CABYR: variants seen among roughly 807,000 people sequenced by gnomAD.
CABYR encodes the protein calcium-binding tyrosine phosphorylation-regulated protein.
A neutral mutation model predicts 36.1 loss-of-function variants in CABYR; 31 were observed. The observed-to-expected ratio is 0.86, with a 90% CI of 0.64 to 1.16. CABYR has a LOEUF of 1.16. CABYR is among the 50% of genes most tolerant of loss of function. The pLI is 0.00. For missense variants in CABYR, 429 were observed against 455.8 expected (o/e 0.94, Z 0.53); for synonymous variants, 146 against 160.7 (o/e 0.91, Z 0.69).
intron 3 of CABYR, among the ~76,000 whole-genome samples, chr18:24,143,772 G>A (rs1046661857): frequency 1.2e-4 from 18 of 152,168 alleles, no homozygotes; most frequent in Non-Finnish European, 2.6e-4. Flanking sequence ...CTGGATGCAA[G>A]TGATCTTCCT....
chr18:24,153,095 A>G (rs1355851864), intron 3 of CABYR, among the ~76,000 whole-genome samples: 2 of 152,152 alleles, frequency 1.3e-5, no homozygotes, highest in Non-Finnish European at 2.9e-5. Flanking sequence ...ATGCCCCACA[A>G]AGGGCATCTC....
chr18:24,144,575 AG>A (rs1488938647), intron 3 of CABYR, among the ~76,000 whole-genome samples: 2 of 152,154 alleles, frequency 1.3e-5, no homozygotes, highest in African/African-American at 4.8e-5. Flanking sequence ...AGACCAGCCT[AG>A]GCAAAATAGT....
In CABYR at chr18:24,159,765, C is replaced by T. The variant is rs752354022; in HGVS notation, c.835C>T (p.His279Tyr). ...ACAGGGATGGAAACCTCTTCCTGGACATGCTGTCGTTTCACAGTCAGATGT... is the reference window on the plus strand; with the variant it reads ...ACAGGGATGGAAACCTCTTCCTGGATATGCTGTCGTTTCACAGTCAGATGT... ...EAQGWKPLPG[H>Y]AVVSQSDVLR... The change falls in exon 5 of 6, where the codon CAT (histidine) becomes TAT (tyrosine). Residue 279 changes from histidine to tyrosine, a missense_variant. Physicochemically the swap from His to Tyr is moderately conservative, Grantham distance 83. Coordinates refer to ENST00000399496, the MANE Select transcript of CABYR (RefSeq NM_153769.3). The T allele has an allele frequency of 1.9e-6, 3 of 1,614,046 alleles. No individual in the cohort carries two copies. The Admixed American group carries it at 5.0e-5, about 27-fold the overall frequency.
chr18:24,141,701 G>C (rs2085324825), intron 1 of CABYR, among the ~76,000 whole-genome samples: 2 of 152,104 alleles, frequency 1.3e-5, no homozygotes, highest in South Asian at 4.1e-4. Context: ...TTCTTTAGAA[G>C]CCTTAGGTGA....
chr18:24,152,628 T>G (rs1309885333), intron 3 of CABYR: 2 of 152,152 alleles, frequency 1.3e-5, no homozygotes, highest in African/African-American at 4.8e-5. Flanking sequence ...AAAAATTAAT[T>G]ACATTTTAAT....
intron 3 of CABYR, among the ~76,000 whole-genome samples, chr18:24,149,416 G>T (rs940279185): frequency 2.8e-4 from 42 of 152,186 alleles, no homozygotes; most frequent in African/African-American, 8.7e-4. Flanking sequence ...GCCGATTGGT[G>T]TACTTACAAT....
At chr18:24,141,960 CAA>C (rs1188502126) in intron 1 of CABYR, among the ~76,000 whole-genome samples, 23 of 151,880 alleles carry the variant, frequency 1.5e-4, no homozygotes, top group African/African-American at 5.3e-4. Flanking sequence ...ATGTTAAAAA[CAA>C]AGTTATTCCT....
At chr18:24,157,013 GTATTTCCATT>G in intron 4 of CABYR, 1 of 1,576,646 alleles carries the variant, frequency 6.3e-7, no homozygotes, top group South Asian at 1.1e-5. Flanking sequence ...AGAAAATCAG[GTATTTCCATT>G]ACAAATTGCA....
In CABYR at chr18:24,155,840, A is replaced by G; in HGVS notation, c.339A>G (p.Thr113=). ...CAGACGAGGACAATGTAACCAGAACAGAATATAGTGACAAAACCACCCAGT... is the reference window on the plus strand; with the variant it reads ...CAGACGAGGACAATGTAACCAGAACGGAATATAGTGACAAAACCACCCAGT... The part of the protein sequence containing the change: ...TDTDEDNVTR[T]EYSDKTTQFP... The change falls in exon 4 of 6, where the codon ACA becomes ACG. Residue 113 remains threonine, a synonymous_variant. Transcript: ENST00000399496. 2 of 1,614,198 alleles carry G rather than the reference A, an allele frequency of 1.2e-6. No homozygotes were observed. Among genetic ancestry groups the G allele is most frequent in the South Asian group, 1.1e-5 (1 of 91,082 alleles).
intron 5 of CABYR, 57 bp from the exon 6 acceptor site, chr18:24,161,459 C>T: frequency 3.9e-6 from 3 of 775,914 alleles, no homozygotes; most frequent in African/African-American, 1.7e-5. Flanking sequence ...GCTCATTTCA[C>T]ATGTTCGGTT....
chr18:24,139,146 C>T (rs2145844323), intron 1 of CABYR, 28 bp downstream of exon 1: 1 of 152,376 alleles, frequency 6.6e-6, no homozygotes, highest in South Asian at 2.1e-4. Flanking sequence ...AAAAGGCGCA[C>T]CCTGCGGCCT....
chr18:24,146,497 C>T (rs184347846), intron 3 of CABYR, among the ~76,000 whole-genome samples: 29 of 151,626 alleles, frequency 1.9e-4, no homozygotes, highest in African/African-American at 7.0e-4. Flanking sequence ...TTCAGTGACC[C>T]AAGATTGCAC....
chr18:24,142,903 TG>T (rs1444321220), intron 1 of CABYR, among the ~76,000 whole-genome samples, 187 bp from the exon 2 acceptor site: 2 of 151,512 alleles, frequency 1.3e-5, no homozygotes, highest in Non-Finnish European at 2.9e-5. Flanking sequence ...TGTGGTGCCA[TG>T]TGCCTGTAGT....
At chr18:24,139,688 T>A (rs1458697478) in intron 1 of CABYR, 1 of 152,296 alleles carries the variant, frequency 6.6e-6, no homozygotes, top group African/African-American at 2.4e-5. Context: ...TAATAGTGTT[T>A]GTGACAATTT....
chr18:24,161,385 C>T, intron 5 of CABYR, 131 bp from the exon 6 acceptor site: 1 of 609,302 alleles, frequency 1.6e-6, no homozygotes, highest in Non-Finnish European at 3.0e-6. Flanking sequence ...GTGCAAAAGC[C>T]CATAGGTAAC....
In CABYR at chr18:24,155,979, G is replaced by A; in HGVS notation, c.478G>A (p.Ala160Thr). The A allele has an allele frequency of 1.2e-6, 2 of 1,614,146 alleles. No homozygotes were observed. Among genetic ancestry groups the A allele is most frequent in the Non-Finnish European group, 1.7e-6 (2 of 1,180,024 alleles). ...TTPPSSPPPT[A>T]VSPEFAYVPA... ...CCCACCCTCATCACCACCTCCAACA[G>A]CTGTCTCACCAGAGTTTGCCTACGT... Residue 160 changes from alanine to threonine, a missense_variant, in exon 4 of 6, where the codon GCT becomes ACT. By Grantham distance (58) the Ala-to-Thr change is moderately conservative. Transcript: ENST00000399496.
chr18:24,156,571 A>C, intron 4 of CABYR: 1 of 1,614,216 alleles, frequency 6.2e-7, no homozygotes, highest in Non-Finnish European at 8.5e-7. Flanking sequence ...GGCATGTCTA[A>C]AAAATCTGTA....
chr18:24,156,101 C>G, intron 4 of CABYR, 59 bp downstream of exon 4: 1 of 1,614,144 alleles, frequency 6.2e-7, no homozygotes, highest in South Asian at 1.1e-5. Flanking sequence ...ATGTGGCAAC[C>G]AGTATGCCTG....
chr18:24,152,116 A>G (rs1440858166), intron 3 of CABYR, among the ~76,000 whole-genome samples: 2 of 152,240 alleles, frequency 1.3e-5, no homozygotes. Context: ...TTTACCACCC[A>G]GTTTAGGAAA....
Sources: allele counts gnomAD v4.1 joint callset (sites outside exome capture counted in the v4.1 genomes callset), GRCh38; gene constraint gnomAD v4.1.1; transcripts MANE v1.5; gene names NCBI Gene and HGNC (gene_info 2026-07-23, HGNC 2026-07-21).